Variants in DDX60 observed in about 807,000 individuals in gnomAD.
DDX60 encodes probable ATP-dependent RNA helicase DDX60.
In DDX60, 165 loss-of-function variants were observed where a neutral mutation model predicts 212.8. That is an observed-to-expected ratio of 0.78 (90% CI 0.68 to 0.88). The LOEUF (loss-of-function observed/expected upper bound fraction) is 0.88. DDX60 is among the 40% of genes least tolerant of loss of function. The pLI is 0.00. For synonymous variants in DDX60, 703 were observed against 685.3 expected, an observed-to-expected ratio of 1.03 and a Z score of -0.40; for missense variants, 1,905 against 2,003.9, an observed-to-expected ratio of 0.95 and a Z score of 0.94.
chr4:168,281,314 T>G (rs1034361745), intron 13 of DDX60, among the ~76,000 whole-genome samples: 10 of 152,160 alleles, frequency 6.6e-5, no homozygotes, highest in African/African-American at 2.4e-4. Context: ...ATTTCCTCCA[T>G]GAAGCTTTCC....
At chr4:168,231,354 T>TA (rs1054669379) in intron 33 of DDX60, among the ~76,000 whole-genome samples, 127 of 151,730 alleles carry the variant, frequency 8.4e-4, no homozygotes, top group African/African-American at 3.0e-3. Context: ...TAAATTGTTC[T>TA]ATGAAGCCAA....
chr4:168,304,298 A>C (rs1736780687), intron 5 of DDX60, among the ~76,000 whole-genome samples: 1 of 151,948 alleles, frequency 6.6e-6, no homozygotes, highest in Admixed American at 6.6e-5. Flanking sequence ...GATGATCCTG[A>C]CCCTGTGTAT....
chr4:168,285,438 T>TTC lies in DDX60; in HGVS notation c.1399_1400insGA (p.Asp467GlyfsTer9). On this transcript the variant is annotated frameshift_variant, in exon 11 of 38. Transcript: ENST00000393743. LOFTEE classifies it high-confidence loss of function. ...TTTCAAAATATCTCCAGCAAATTTA[T>TTC]CAACCACAAAAGATGACGTTGGAAT... is the stretch of plus-strand genomic sequence containing the variant. 1 of 1,611,874 alleles carries TTC rather than the reference T, an allele frequency of 6.2e-7. No homozygotes were observed. The highest frequency in any genetic ancestry group is 8.5e-7 in the Non-Finnish European group (1 of 1,179,378).
intron 1 of DDX60, among the ~76,000 whole-genome samples, chr4:168,315,897 G>T (rs1159780693): frequency 6.6e-6 from 1 of 152,198 alleles, no homozygotes; most frequent in Non-Finnish European, 1.5e-5. Flanking sequence ...ACATGTGCAT[G>T]TGTCTTTACA....
Position 168,236,212 on chromosome 4 carries a change from G to T in DDX60, c.4533+40C>A, listed in dbSNP as rs749943309. On this transcript the variant is annotated intron_variant, in intron 33 of 37. Coordinates refer to ENST00000393743, the MANE Select transcript of DDX60 (RefSeq NM_017631.6). ...CATTTTAGGTAAGATCTATTTAGTG[G>T]TTTTACATTACTAAATTTTATCAGA... The T allele has an allele frequency of 7.6e-6, 12 of 1,588,432 alleles. No homozygotes were observed. The African/African-American group carries it at 1.4e-4, about 18-fold the overall frequency.
intron 2 of DDX60, 47 bp downstream of exon 2, chr4:168,311,208 AG>A: frequency 6.3e-7 from 1 of 1,592,568 alleles, no homozygotes; most frequent in Non-Finnish European, 8.6e-7. Context: ...TGTAGTTTAC[AG>A]GGTAACATTG....
chr4:168,294,533 C>T (rs1736256248), intron 6 of DDX60, among the ~76,000 whole-genome samples: 1 of 151,978 alleles, frequency 6.6e-6, no homozygotes, highest in Non-Finnish European at 1.5e-5. Flanking sequence ...CAGGGTCTCA[C>T]TCTATCACCC....
Position 168,267,587 on chromosome 4 carries a change from C to T in DDX60, c.3034G>A (p.Asp1012Asn). ...HFHPCAALTT[D>N]HIERYGFPPD... Reference sequence around the variant, plus strand: ...ATGGCTAAAATATTACCTACATGATCTGTTGTTAGTGCAGCACATGGGTGA... The same window carrying T: ...ATGGCTAAAATATTACCTACATGATTTGTTGTTAGTGCAGCACATGGGTGA... The change falls in exon 22 of 38, where the codon GAT becomes AAT. Residue 1012 changes from aspartate to asparagine, a missense_variant. Transcript: ENST00000393743. 6.5e-7 allele frequency: 1 copy of T among 1,532,746 alleles called. No individual in the cohort carries two copies. The highest frequency in any genetic ancestry group is 8.8e-7 in the Non-Finnish European group (1 of 1,133,632). 94.9% of individuals were successfully genotyped at this position (1,532,746 alleles called of 1,614,324 possible). A position where few individuals can be genotyped will look rare whatever the true frequency, so the allele number is the denominator to read the frequency against.
intron 19 of DDX60, 35 bp downstream of exon 19, chr4:168,272,008 T>G (rs1023826719): frequency 6.8e-7 from 1 of 1,460,528 alleles, no homozygotes; most frequent in South Asian, 1.2e-5. Flanking sequence ...AAGTGTGCAC[T>G]AGGGAATTAA....
chr4:168,277,782 C>T (rs1219761354), intron 14 of DDX60, among the ~76,000 whole-genome samples: 2 of 142,450 alleles, frequency 1.4e-5, no homozygotes, highest in Non-Finnish European at 3.0e-5. Flanking sequence ...GCACTGCAGC[C>T]TGAGCGAAAG....
At chr4:168,275,912 TAA>T (rs200207610) in intron 15 of DDX60, 101 bp downstream of exon 15, 78,625 of 897,272 alleles carry the variant, frequency 0.088, 955 homozygotes, top group African/African-American at 0.18. Flanking sequence ...GTATTTTCAG[TAA>T]AAAAAAAAAA....
intron 19 of DDX60, among the ~76,000 whole-genome samples, chr4:168,270,851 A>ATTCCC: frequency 7.1e-6 from 1 of 141,062 alleles, no homozygotes; most frequent in East Asian, 2.1e-4. Context: ...TTTAATAAAT[A>ATTCCC]TTCCCCCTTT....
chr4:168,228,221 CA>C (rs1255310426), intron 33 of DDX60, among the ~76,000 whole-genome samples: 3 of 151,962 alleles, frequency 2.0e-5, no homozygotes, highest in Admixed American at 1.3e-4. Context: ...AGGAAAGGTA[CA>C]GTAAAAATAC....
At chr4:168,227,178 C>A (rs769144160) in intron 33 of DDX60, among the ~76,000 whole-genome samples, 5 of 150,338 alleles carry the variant, frequency 3.3e-5, no homozygotes, top group Non-Finnish European at 7.4e-5. Context: ...ACCAGTGAAG[C>A]CATCTGAGCC....
chr4:168,267,606 T>C lies in DDX60; in HGVS notation c.3015A>G (p.Pro1005=), dbSNP rs758714455. 33 of 1,597,498 alleles carry C rather than the reference T, an allele frequency of 2.1e-5. No homozygotes were observed. The highest frequency in any genetic ancestry group is 2.6e-5 in the Non-Finnish European group (31 of 1,171,450). The part of the protein sequence containing the change: ...HGDIHFDHFH[P]CAALTTDHIE... The stretch of plus-strand genomic sequence containing the variant: ...CATGATCTGTTGTTAGTGCAGCACA[T>C]GGGTGAAAATGATCAAAATGAATGT... The change falls in exon 22 of 38, where the codon CCA becomes CCG. Residue 1005 remains proline (P), a synonymous_variant. Transcript: ENST00000393743.
At chr4:168,294,292 GA>G (rs1290492519) in intron 6 of DDX60, among the ~76,000 whole-genome samples, 1 of 152,014 alleles carries the variant, frequency 6.6e-6, no homozygotes, top group African/African-American at 2.4e-5. Flanking sequence ...TACAAGACTT[GA>G]AAGTGTAAAA....
intron 32 of DDX60, among the ~76,000 whole-genome samples, chr4:168,236,939 C>T (rs1357210707): frequency 6.0e-5 from 9 of 150,816 alleles, no homozygotes; most frequent in South Asian, 2.1e-4. Flanking sequence ...TAACTTAATG[C>T]TTTACTATAT....
At chr4:168,244,144 A>G (rs1225388587) in intron 30 of DDX60, among the ~76,000 whole-genome samples, 1 of 152,168 alleles carries the variant, frequency 6.6e-6, no homozygotes, top group Non-Finnish European at 1.5e-5. Context: ...TAACTAATGC[A>G]TGCTACGCTT....
chr4:168,323,253 T>G (rs1737639939), upstream of DDX60, among the ~76,000 whole-genome samples: 2 of 152,110 alleles, frequency 1.3e-5, no homozygotes, highest in South Asian at 4.1e-4. Context: ...AGGGAGAGGA[T>G]CAAATAGTGA....
Sources: gnomAD v4.1 joint callset for allele counts (sites outside exome capture counted in the v4.1 genomes callset) on GRCh38, gnomAD v4.1.1 for gene constraint, MANE v1.5 for transcripts, NCBI Gene and HGNC (gene_info 2026-07-23, HGNC 2026-07-21) for gene names.